Variants in CAMK4 observed in about 807,000 individuals in gnomAD.
CAMK4 encodes the protein calcium/calmodulin-dependent protein kinase type IV.
A neutral mutation model predicts 44.9 loss-of-function variants in CAMK4; 22 were observed. The ratio of observed to expected loss-of-function variants is 0.49; its 90% CI spans 0.35 to 0.70. The LOEUF (loss-of-function observed/expected upper bound fraction) is 0.70, where lower values mean the gene tolerates loss of function less well. CAMK4 is among the 30% of genes least tolerant of loss of function. The pLI, the probability that CAMK4 is intolerant of heterozygous loss-of-function variation, is 0.01. For missense variants in CAMK4, 498 were observed against 586.8 expected (o/e 0.85, Z 1.56); for synonymous variants, 218 against 215.4 (o/e 1.01, Z -0.11).
chr5:111,422,756 T>C (rs1193859971), intron 5 of CAMK4, among the ~76,000 whole-genome samples: 3 of 152,250 alleles, frequency 2.0e-5, no homozygotes, highest in African/African-American at 7.2e-5. Context: ...TATGTATTTG[T>C]ATTTGTTTTT....
intron 7 of CAMK4, among the ~76,000 whole-genome samples, chr5:111,465,653 A>G (rs1236181519): frequency 6.6e-6 from 1 of 152,212 alleles, no homozygotes. Flanking sequence ...AGATTAAACC[A>G]GGAAGAAATA....
intron 5 of CAMK4, among the ~76,000 whole-genome samples, chr5:111,403,465 A>G (rs905171310): frequency 2.0e-5 from 3 of 152,100 alleles, no homozygotes; most frequent in Non-Finnish European, 4.4e-5. Context: ...TCTTTGGAGG[A>G]TAGATTTTAA....
At chr5:111,255,525 T>G (rs419344) in intron 1 of CAMK4, among the ~76,000 whole-genome samples, 29,987 of 152,202 alleles carry the variant, frequency 0.2, 3,767 homozygotes, top group Non-Finnish European at 0.28. Context: ...GGTCAGAGTT[T>G]GTGTAAATTC....
At chr5:111,443,332 A>G (rs1753911766) in intron 5 of CAMK4, among the ~76,000 whole-genome samples, 1 of 139,416 alleles carries the variant, frequency 7.2e-6, no homozygotes, top group South Asian at 2.2e-4. Flanking sequence ...TATATACTAT[A>G]TATACTATAT....
intron 5 of CAMK4, chr5:111,416,634 A>C (rs1038563728): frequency 1.3e-5 from 2 of 152,206 alleles, no homozygotes; most frequent in Non-Finnish European, 2.9e-5. Context: ...TCATTTATAA[A>C]GTAGAAATAA....
intron 5 of CAMK4, among the ~76,000 whole-genome samples, chr5:111,433,187 T>C (rs1753523425): frequency 1.3e-5 from 2 of 152,200 alleles, no homozygotes; most frequent in Admixed American, 6.5e-5. Flanking sequence ...CATATATTCT[T>C]TGGGTCAGGA....
intron 1 of CAMK4, among the ~76,000 whole-genome samples, chr5:111,332,367 A>T (rs899655482): frequency 4.0e-5 from 6 of 150,994 alleles, no homozygotes; most frequent in Non-Finnish European, 7.4e-5. Flanking sequence ...ACTGAGAATG[A>T]TGATTTCCAA....
At chr5:111,325,065 G>C (rs187777110) in intron 1 of CAMK4, among the ~76,000 whole-genome samples, 2 of 151,184 alleles carry the variant, frequency 1.3e-5, no homozygotes, top group Non-Finnish European at 2.9e-5. Flanking sequence ...TGTTCTCATC[G>C]TTCAACTCCC....
chr5:111,427,550 A>G (rs578260883), intron 5 of CAMK4, among the ~76,000 whole-genome samples: 2 of 152,340 alleles, frequency 1.3e-5, no homozygotes, highest in East Asian at 3.9e-4. Context: ...CAGGACAGGT[A>G]ACATTCACGA....
chr5:111,248,339 A>C (rs527981234), intron 1 of CAMK4, among the ~76,000 whole-genome samples: 1 of 134,954 alleles, frequency 7.4e-6, no homozygotes, highest in South Asian at 2.6e-4. Context: ...AAATTGTAAT[A>C]GCTTTTAAAT....
intron 5 of CAMK4, among the ~76,000 whole-genome samples, chr5:111,408,935 G>A (rs1752533889): frequency 6.6e-6 from 1 of 152,284 alleles, no homozygotes; most frequent in South Asian, 2.1e-4. Flanking sequence ...TGCAAGCAGT[G>A]GGCTCCCATG....
chr5:111,479,329 C>T (rs1483220289), intron 9 of CAMK4, among the ~76,000 whole-genome samples: 2 of 152,144 alleles, frequency 1.3e-5, no homozygotes, highest in East Asian at 3.9e-4. Context: ...TTTGTTTTTA[C>T]ATTGCTTCTC....
chr5:111,256,227 A>T (rs1749738710), intron 1 of CAMK4, among the ~76,000 whole-genome samples: 2 of 152,208 alleles, frequency 1.3e-5, no homozygotes, highest in African/African-American at 4.8e-5. Context: ...CAAAATGACC[A>T]AATTATAGAG....
intron 9 of CAMK4, among the ~76,000 whole-genome samples, chr5:111,479,792 G>A (rs1755368525): frequency 6.6e-6 from 1 of 152,022 alleles, no homozygotes; most frequent in Non-Finnish European, 1.5e-5. Flanking sequence ...TGTGTGATGT[G>A]TGATGTATAA....
chr5:111,313,161 G>T (rs1451183389), intron 1 of CAMK4, among the ~76,000 whole-genome samples: 1 of 151,990 alleles, frequency 6.6e-6, no homozygotes, highest in Non-Finnish European at 1.5e-5. Flanking sequence ...GCAGGAGAGG[G>T]GGTCATCCTG....
chr5:111,258,917 A>G (rs1220295470), intron 1 of CAMK4, among the ~76,000 whole-genome samples: 2 of 152,284 alleles, frequency 1.3e-5, no homozygotes, highest in African/African-American at 2.4e-5. Flanking sequence ...TATGTCAAAG[A>G]GAACCTAGGA....
At chr5:111,273,681 A>AG (rs1299201414) in intron 1 of CAMK4, among the ~76,000 whole-genome samples, 3 of 37,452 alleles carry the variant, frequency 8.0e-5, no homozygotes, top group African/African-American at 1.9e-4. Flanking sequence ...ATGCATTTAT[A>AG]TATATATATA....
chr5:111,276,682 G>A (rs1375981614), intron 1 of CAMK4, among the ~76,000 whole-genome samples: 1 of 152,032 alleles, frequency 6.6e-6, no homozygotes, highest in Non-Finnish European at 1.5e-5. Context: ...TTTCAAACAT[G>A]TTTCTGTTGT....
At chr5:111,239,168 C>T (rs1000597693) in intron 1 of CAMK4, among the ~76,000 whole-genome samples, 1 of 152,170 alleles carries the variant, frequency 6.6e-6, no homozygotes, top group Non-Finnish European at 1.5e-5. Context: ...GGGGACCTCT[C>T]TCAGGACTAG....
Sources: allele counts gnomAD v4.1 joint callset (sites outside exome capture counted in the v4.1 genomes callset), GRCh38; gene constraint gnomAD v4.1.1; transcripts MANE v1.5; gene names NCBI Gene and HGNC (gene_info 2026-07-23, HGNC 2026-07-21).